ANXA2: variants seen among roughly 807,000 people sequenced by gnomAD.
ANXA2 encodes the protein annexin A2, also known as annexin II.
In ANXA2, 28 loss-of-function variants were observed where a neutral mutation model predicts 47.3. The observed-to-expected ratio is 0.59, with a 90% CI of 0.44 to 0.81. The LOEUF is 0.81. ANXA2 is among the 40% of genes least tolerant of loss of function. ANXA2 has a pLI of 0.00. For synonymous variants in ANXA2, 172 were observed against 155.5 expected (o/e 1.11, Z -0.79); for missense variants, 384 against 414.3 (o/e 0.93, Z 0.64).
rs2062371285 is a variant in ANXA2 at position 60,352,963 on chromosome 15, G to A, written c.589-487C>T. Among the ~76,000 whole-genome samples the A allele has an allele frequency of 6.6e-6, 1 of 152,058 alleles. No homozygotes were observed. Among genetic ancestry groups the A allele is most frequent in the Non-Finnish European group, 1.5e-5 (1 of 68,010 alleles). ...TCACTTTCAGTTTCTGGAAAATTTA[G>A]GGGCTACAAGTAGCCCTAACAATGG... On this transcript the variant is annotated intron_variant, in intron 8 of 12. Transcript: ENST00000451270. This position sits in a 1 kb window ranked among gnomAD's most constrained non-coding sequence, Gnocchi z 4.2.
intron 3 of ANXA2, chr15:60,374,783 G>A (rs2062755588): frequency 2.3e-6 from 1 of 437,502 alleles, no homozygotes; most frequent in African/African-American, 2.1e-5. Context: ...TCCCAGCACT[G>A]CTGTAAGATG....
At chr15:60,377,395 A>G (rs2062795489) in intron 3 of ANXA2, among the ~76,000 whole-genome samples, 1 of 152,230 alleles carries the variant, frequency 6.6e-6, no homozygotes, top group Non-Finnish European at 1.5e-5. Flanking sequence ...ATACAGAAAT[A>G]CAGAATATAC....
chr15:60,372,514 C>G lies in ANXA2; in HGVS notation c.149-7991G>C, dbSNP rs575984322. On this transcript the variant is annotated intron_variant, in intron 3 of 12. Coordinates refer to ENST00000451270, the MANE Select transcript of ANXA2 (RefSeq NM_004039.3). Reference sequence around the variant, plus strand: ...GCACTATCTCACAGGCCCAAAGACTCCTGCTCAAGGGGCCTGCTCTTACCT... The same window carrying G: ...GCACTATCTCACAGGCCCAAAGACTGCTGCTCAAGGGGCCTGCTCTTACCT... 4.0e-4 allele frequency among the ~76,000 whole-genome samples: 61 copies of G among 152,230 alleles called. 3 individuals carry two copies. The South Asian group carries it at 0.012, about 31-fold the overall frequency.
At position 60,352,296 on chromosome 15, in the gene ANXA2, T is replaced by C. The variant is rs79557768; in HGVS notation, c.682+87A>G. The stretch of plus-strand genomic sequence containing the variant: ...GCCAAGCGGAGACAGAACCTCATTC[T>C]GGCAGACTCCATCCCAACATGGACA... On this transcript the variant is annotated intron_variant, in intron 9 of 12. Coordinates refer to ENST00000451270, the MANE Select transcript of ANXA2 (RefSeq NM_004039.3). The surrounding 1 kb of genome is among the most constrained non-coding windows in gnomAD (Gnocchi z 4.2). 2.2e-3 allele frequency: 1,903 copies of C among 853,322 alleles called. 50 individuals are homozygous for C. In the East Asian group the frequency reaches 0.044, roughly 20 times the overall value. 52.9% of individuals were successfully genotyped at this position (853,322 alleles called of 1,614,324 possible).
At chr15:60,365,861 CCCCTCCCTCT>C (rs2062589201) in intron 3 of ANXA2, among the ~76,000 whole-genome samples, 1 of 132,998 alleles carries the variant, frequency 7.5e-6, no homozygotes, top group Non-Finnish European at 1.6e-5. Flanking sequence ...CCTCCCCCTC[CCCCTCCCTCT>C]CCCTCCACGG....
Position 60,386,023 on chromosome 15 carries a change from C to T in ANXA2, c.48+5G>A. On this transcript the variant is annotated splice_donor_5th_base_variant and intron_variant, in intron 2 of 12. Transcript: ENST00000451270. ...AATTATATAAAGTGAAAGTGATATA[C>T]TTACATCACCCTCCAAGCTGAGCTT... 1 of 1,605,968 alleles carries T rather than the reference C, an allele frequency of 6.2e-7. No individual in the cohort carries two copies. Among genetic ancestry groups the T allele is most frequent in the Non-Finnish European group, 8.5e-7 (1 of 1,174,098 alleles).
At chr15:60,351,399 C>T in intron 10 of ANXA2, 148 bp from the exon 11 acceptor site, 1 of 780,084 alleles carries the variant, frequency 1.3e-6, no homozygotes, top group Non-Finnish European at 2.1e-6. Context: ...TAAGGGAAAT[C>T]TAGAAATCCT....
At chr15:60,354,903 A>G (rs2062404646) in intron 7 of ANXA2, among the ~76,000 whole-genome samples, 1 of 152,212 alleles carries the variant, frequency 6.6e-6, no homozygotes, top group Non-Finnish European at 1.5e-5. Context: ...AGCACTAGAA[A>G]GACACAAAAT....
chr15:60,377,769 C>T (rs1468502346), intron 3 of ANXA2, among the ~76,000 whole-genome samples: 1 of 151,996 alleles, frequency 6.6e-6, no homozygotes, highest in African/African-American at 2.4e-5. Flanking sequence ...ATTGCTAATG[C>T]CTTTTATTTT....
At chr15:60,386,276 T>C in intron 1 of ANXA2, 190 bp from the exon 2 acceptor site, 3 of 574,108 alleles carry the variant, frequency 5.2e-6, no homozygotes, top group East Asian at 6.0e-5. Flanking sequence ...CTGCCTTGGG[T>C]TGGGATGGAC....
In ANXA2 at chr15:60,386,017, G is replaced by C; in HGVS notation, c.48+11C>G. The C allele has an allele frequency of 6.2e-7, 1 of 1,601,588 alleles. No homozygotes were observed. Among genetic ancestry groups the C allele is most frequent in the Non-Finnish European group, 8.5e-7 (1 of 1,170,746 alleles). Reference sequence around the variant, plus strand: ...TGCAAAAATTATATAAAGTGAAAGTGATATACTTACATCACCCTCCAAGCT... The same window carrying C: ...TGCAAAAATTATATAAAGTGAAAGTCATATACTTACATCACCCTCCAAGCT... On this transcript the variant is annotated intron_variant, in intron 2 of 12. Coordinates refer to ENST00000451270, the MANE Select transcript of ANXA2 (RefSeq NM_004039.3).
At chr15:60,372,121 C>T (rs1187623518) in intron 3 of ANXA2, among the ~76,000 whole-genome samples, 1 of 152,130 alleles carries the variant, frequency 6.6e-6, no homozygotes, top group Non-Finnish European at 1.5e-5. Context: ...TGCACTCCAG[C>T]CTGGGCAACA....
intron 3 of ANXA2, chr15:60,374,345 A>C: frequency 2.5e-6 from 1 of 394,038 alleles, no homozygotes; most frequent in Non-Finnish European, 5.0e-6. Context: ...ACATGCATAA[A>C]ATGCAAGCCC....
At chr15:60,363,230 C>T (rs1217519255) in intron 4 of ANXA2, among the ~76,000 whole-genome samples, 1 of 152,104 alleles carries the variant, frequency 6.6e-6, no homozygotes, top group African/African-American at 2.4e-5. Context: ...AGAAATAAAA[C>T]ACTCCCCTCT....
At chr15:60,384,559 T>C (rs1005757502) in intron 2 of ANXA2, 1 of 152,228 alleles carries the variant, frequency 6.6e-6, no homozygotes, top group African/African-American at 2.4e-5. Context: ...AAAGCCCTCT[T>C]ATAAAACCTG....
At chr15:60,393,287 C>T in intron 1 of ANXA2, 1 of 1,023,934 alleles carries the variant, frequency 9.8e-7, no homozygotes, top group South Asian at 3.4e-5. Context: ...GTATCCTGAT[C>T]TGGGGTTGGA....
intron 12 of ANXA2, among the ~76,000 whole-genome samples, chr15:60,348,725 G>A (rs983216171): frequency 9.9e-4 from 143 of 144,316 alleles, no homozygotes; most frequent in African/African-American, 3.5e-3. Flanking sequence ...CAGCCTGGGC[G>A]AGAGAGCAAG....
chr15:60,378,338 T>C (rs578155809), intron 3 of ANXA2, among the ~76,000 whole-genome samples: 65 of 152,314 alleles, frequency 4.3e-4, no homozygotes, highest in African/African-American at 1.4e-3. Context: ...TGTTGAAAAT[T>C]ATTGACAAAC....
intron 5 of ANXA2, among the ~76,000 whole-genome samples, chr15:60,359,134 A>T (rs2062475649): frequency 6.6e-6 from 1 of 152,098 alleles, no homozygotes; most frequent in African/African-American, 2.4e-5. Context: ...TGGATTTTGG[A>T]CGGGTATTCA....
Sources: allele counts gnomAD v4.1 joint callset (sites outside exome capture counted in the v4.1 genomes callset), GRCh38; gene constraint gnomAD v4.1.1; non-coding constraint Gnocchi (gnomAD v3.1); transcripts MANE v1.5; gene names NCBI Gene and HGNC (gene_info 2026-07-23, HGNC 2026-07-21).